Variants in MRPS31 observed in about 807,000 individuals in gnomAD.
MRPS31 encodes the protein mitochondrial ribosomal protein S31.
A neutral mutation model predicts 43.1 loss-of-function variants in MRPS31; 32 were observed. The observed-to-expected ratio is 0.74, with a 90% CI of 0.56 to 1.00. The LOEUF is 1.00. MRPS31 is among the 50% of genes least tolerant of loss of function. The pLI is 0.00. For missense variants in MRPS31, 437 were observed against 466.7 expected (o/e 0.94, Z 0.59); for synonymous variants, 165 against 161.6 (o/e 1.02, Z -0.16).
intron 5 of MRPS31, chr13:40,749,736 T>G (rs1880334993): frequency 6.6e-6 from 1 of 152,330 alleles, no homozygotes; most frequent in African/African-American, 2.4e-5. Context: ...GTACTTCCTC[T>G]GCGCTTAAAT....
intron 6 of MRPS31, among the ~76,000 whole-genome samples, chr13:40,744,817 T>C (rs1385840466): frequency 1.3e-5 from 2 of 152,130 alleles, no homozygotes; most frequent in African/African-American, 4.8e-5. Flanking sequence ...TTTCGCCATG[T>C]TGGCCAGGCT....
rs759910674 is a variant in MRPS31, at chr13:40,749,262, C to T, written c.834G>A (p.Trp278Ter). Reference protein sequence around the residue: ...APETDTSPSLWDVEFAKQLAT... With the variant: ...APETDTSPSL ...CTAACTGCTTAGCAAATTCCACATC[C>T]CAAAGTGAAGGTGATGTGTCTACAT... The change falls in exon 6 of 7, where the codon TGG (tryptophan) becomes TGA (stop). Residue 278 changes from tryptophan to a stop codon, truncating the protein, a stop_gained. Coordinates refer to ENST00000323563, the MANE Select transcript of MRPS31 (RefSeq NM_005830.4). LOFTEE classifies it high-confidence loss of function. The T allele has an allele frequency of 1.1e-5, 17 of 1,586,718 alleles. No individual in the cohort carries two copies. Among genetic ancestry groups the T allele is most frequent in the Non-Finnish European group, 1.4e-5 (16 of 1,172,766 alleles).
intron 6 of MRPS31, among the ~76,000 whole-genome samples, chr13:40,736,125 G>A (rs1481684255): frequency 2.0e-4 from 30 of 149,618 alleles, no homozygotes; most frequent in Middle Eastern, 3.4e-3. Context: ...CGAGAACTAC[G>A]TGAAGAATGC....
intron 6 of MRPS31, among the ~76,000 whole-genome samples, chr13:40,737,097 C>G (rs1452289051): frequency 4.0e-5 from 6 of 151,630 alleles, no homozygotes; most frequent in Admixed American, 3.9e-4. Context: ...ATCTACCAAG[C>G]AAATGGAAAA....
intron 6 of MRPS31, among the ~76,000 whole-genome samples, chr13:40,734,485 A>C (rs1879815307): frequency 6.6e-6 from 1 of 152,228 alleles, no homozygotes; most frequent in South Asian, 2.1e-4. Context: ...GCTGTATGAA[A>C]TGTAGGAAAA....
Position 40,757,040 on chromosome 13 carries a change from T to A in MRPS31, c.600-27A>T, listed in dbSNP as rs766119412. 1.9e-6 allele frequency: 3 copies of A among 1,558,542 alleles called. No homozygotes were observed. In the East Asian group the frequency reaches 6.8e-5, roughly 35 times the overall value. ...TGAAATAATAAAAAGGTCAAGTGTA[T>A]TAGAAATCTTAGCTACAGAACAGTA... On this transcript the variant is annotated intron_variant, in intron 3 of 6. Coordinates refer to ENST00000323563, the MANE Select transcript of MRPS31 (RefSeq NM_005830.4).
intron 2 of MRPS31, among the ~76,000 whole-genome samples, chr13:40,764,862 A>C (rs1234582250): frequency 6.6e-6 from 1 of 152,214 alleles, no homozygotes; most frequent in Non-Finnish European, 1.5e-5. Context: ...TCAAATCGCT[A>C]ACCCACAGAA....
rs150773124 is a variant in MRPS31 at position 40,766,918 on chromosome 13, T to C, written c.268A>G (p.Ser90Gly). 3.1e-6 allele frequency: 5 copies of C among 1,614,040 alleles called. No individual in the cohort carries two copies. Among genetic ancestry groups the C allele is most frequent in the Non-Finnish European group, 4.2e-6 (5 of 1,180,014 alleles). ...TCTTTTTTCGTATTTTCCTTTTCACTGTCTTGGCTCTCTGAAGTCTCCTTG... is the reference window on the plus strand; with the variant it reads ...TCTTTTTTCGTATTTTCCTTTTCACCGTCTTGGCTCTCTGAAGTCTCCTTG... Reference protein sequence around the residue: ...TSKETSESQDSEKENTKKDLL... With the variant: ...TSKETSESQDGEKENTKKDLL... Residue 90 changes from serine to glycine, a missense_variant, in exon 2 of 7, where the codon AGT (serine) becomes GGT (glycine). Physicochemically the swap from Ser to Gly is moderately conservative, Grantham distance 56. Coordinates refer to ENST00000323563, the MANE Select transcript of MRPS31 (RefSeq NM_005830.4).
chr13:40,759,476 C>A (rs1880633108), intron 2 of MRPS31, among the ~76,000 whole-genome samples: 1 of 151,588 alleles, frequency 6.6e-6, no homozygotes, highest in Admixed American at 6.6e-5. Context: ...AAACAAAAAA[C>A]AAAAAAGAGA....
chr13:40,760,318 C>T (rs1310302756), intron 2 of MRPS31, among the ~76,000 whole-genome samples: 1 of 151,718 alleles, frequency 6.6e-6, no homozygotes, highest in African/African-American at 2.4e-5. Flanking sequence ...AGGGACTTAC[C>T]TGTTTCTCAA....
rs1353857640 is a variant in MRPS31 at position 40,756,983 on chromosome 13, A to G, written c.630T>C (p.Val210=). 5.6e-6 allele frequency: 9 copies of G among 1,612,470 alleles called. No individual in the cohort carries two copies. The highest frequency in any genetic ancestry group is 1.1e-5 in the South Asian group (1 of 90,788). Residue 210 remains valine (V), a synonymous_variant, in exon 4 of 7, where the codon GTT becomes GTC. Transcript: ENST00000323563. The part of the protein sequence containing the change: ...SFSNIISDMK[V]ARSATARVRS... ...GAACTCTAGCTGTAGCAGATCTGGC[A>G]ACTTTCATATCTGATATTATGTTAC...
At chr13:40,761,267 CAA>C (rs11440084) in intron 2 of MRPS31, among the ~76,000 whole-genome samples, 1 of 136,804 alleles carries the variant, frequency 7.3e-6, no homozygotes. Context: ...AGTCTGTCTC[CAA>C]AAAAAAAAAG....
At chr13:40,735,191 G>A (rs1287016235) in intron 6 of MRPS31, among the ~76,000 whole-genome samples, 6 of 152,178 alleles carry the variant, frequency 3.9e-5, no homozygotes, top group Non-Finnish European at 5.9e-5. Flanking sequence ...CTGGAAAATC[G>A]GGTCACTCCC....
At chr13:40,750,894 T>C (rs1480719989) in intron 5 of MRPS31, among the ~76,000 whole-genome samples, 1 of 151,748 alleles carries the variant, frequency 6.6e-6, no homozygotes, top group African/African-American at 2.4e-5. Flanking sequence ...ATCTGTAATA[T>C]TTCCTTAGAA....
chr13:40,735,501 G>C (rs1879867333), intron 6 of MRPS31, among the ~76,000 whole-genome samples: 1 of 152,110 alleles, frequency 6.6e-6, no homozygotes, highest in Non-Finnish European at 1.5e-5. Flanking sequence ...CAAAAAGACA[G>C]CAGTAACCTC....
chr13:40,735,634 A>G (rs1320520879), intron 6 of MRPS31, among the ~76,000 whole-genome samples: 6 of 152,056 alleles, frequency 3.9e-5, no homozygotes, highest in Non-Finnish European at 8.8e-5. Flanking sequence ...CTGACCCCCG[A>G]GCAGCCTAAC....
intron 3 of MRPS31, among the ~76,000 whole-genome samples, chr13:40,757,303 G>GT (rs1344276951): frequency 6.6e-6 from 1 of 152,114 alleles, no homozygotes; most frequent in African/African-American, 2.4e-5. Context: ...AGTAAAATCA[G>GT]TATCTGTTAT....
chr13:40,769,262 G>A (rs528940468), intron 1 of MRPS31, among the ~76,000 whole-genome samples: 138 of 150,896 alleles, frequency 9.1e-4, no homozygotes, highest in African/African-American at 3.3e-3. Flanking sequence ...TGTAGTCCCA[G>A]CTACTTGGGA....
chr13:40,766,995 C>T lies in MRPS31; in HGVS notation c.191G>A (p.Ser64Asn), dbSNP rs1279309120. 21 of 1,608,654 alleles carry T rather than the reference C, an allele frequency of 1.3e-5. No homozygotes were observed. In the Admixed American group the frequency reaches 1.7e-4, roughly 13 times the overall value. ...CTTATCTTTCTTGCTACAGATCACA[C>T]TGTTAGTGCCAAAATATCTTTGGAT... ...NNIQRYFGTN[S>N]VICSKKDKQS... Residue 64 changes from serine (S) to asparagine (N), a missense_variant, in exon 2 of 7, where the codon AGT becomes AAT. By Grantham distance (46) the Ser-to-Asn change is conservative. Coordinates refer to ENST00000323563, the MANE Select transcript of MRPS31 (RefSeq NM_005830.4).
Sources: allele counts gnomAD v4.1 joint callset (sites outside exome capture counted in the v4.1 genomes callset), GRCh38; gene constraint gnomAD v4.1.1; transcripts MANE v1.5; gene names NCBI Gene and HGNC (gene_info 2026-07-23, HGNC 2026-07-21).